Variants in GCA observed in about 807,000 individuals in gnomAD.
GCA encodes grancalcin, also known as grancalcin, EF-hand calcium-binding protein.
GCA carries 30 observed loss-of-function variants against 32.6 expected under a neutral mutation model. That is an observed-to-expected ratio of 0.92 (90% CI 0.69 to 1.25). The LOEUF (loss-of-function observed/expected upper bound fraction) is 1.25, where lower values mean the gene tolerates loss of function less well. Among genes scored for constraint, GCA ranks in the 50% most tolerant of loss-of-function variants. GCA has a pLI of 0.00. For synonymous variants in GCA, 102 were observed against 84.6 expected (o/e 1.21, Z -1.13); for missense variants, 291 against 266.8 (o/e 1.09, Z -0.63).
intron 1 of GCA, among the ~76,000 whole-genome samples, chr2:162,337,564 A>T (rs1684307790): frequency 6.6e-6 from 1 of 152,170 alleles, no homozygotes; most frequent in African/African-American, 2.4e-5. Context: ...TGGCTAAAAG[A>T]CAGAAAACAA....
Position 162,356,745 on chromosome 2 carries a change from A to C in GCA, c.307-13A>C, listed in dbSNP as rs1490060690. 3 of 1,584,082 alleles carry C rather than the reference A, an allele frequency of 1.9e-6. No homozygotes were observed. Among genetic ancestry groups the C allele is most frequent in the Non-Finnish European group, 2.6e-6 (3 of 1,159,778 alleles). ...CAGGTATCAGAATTTATTTTTGTTAATAAAACTATCAGAGAGATCACACAG... is the reference window on the plus strand; with the variant it reads ...CAGGTATCAGAATTTATTTTTGTTACTAAAACTATCAGAGAGATCACACAG... On this transcript the variant is annotated splice_polypyrimidine_tract_variant and intron_variant, in intron 4 of 7. Transcript: ENST00000437150.
chr2:162,371,847 A>C (rs749426625), downstream of GCA: 1 of 1,609,208 alleles, frequency 6.2e-7, no homozygotes, highest in Non-Finnish European at 8.5e-7. Flanking sequence ...CTGGAAGACC[A>C]GGATCAGAAA....
exon 5 of GCA, chr2:162,371,477 G>A: frequency 8.0e-7 from 1 of 1,253,188 alleles, no homozygotes; most frequent in Non-Finnish European, 1.0e-6. Context: ...TTATTTGCGT[G>A]GAAGGCATTT....
intron 5 of GCA, among the ~76,000 whole-genome samples, chr2:162,358,199 G>C (rs892093209): frequency 2.6e-5 from 4 of 151,346 alleles, no homozygotes; most frequent in African/African-American, 9.7e-5. Flanking sequence ...ATTCTTCTTA[G>C]TAAAATGTAT....
Position 162,362,893 on chromosome 2 carries a change from C to G in GCA, c.*2650C>G, listed in dbSNP as rs554990400. Among the ~76,000 whole-genome samples the G allele has an allele frequency of 2.6e-5, 4 of 151,134 alleles. No homozygotes were observed. In the South Asian group the frequency reaches 8.3e-4, roughly 31 times the overall value. The stretch of plus-strand genomic sequence containing the variant: ...CATTTGACCTATTTACACATGCATC[C>G]AGAAAAAAGTAACAAAAAATGTAGT... On this transcript the variant is annotated 3_prime_UTR_variant, in exon 8 of 8. Coordinates refer to ENST00000437150, the MANE Select transcript of GCA (RefSeq NM_012198.5).
Position 162,360,298 on chromosome 2 carries a change from G to A in GCA, c.*55G>A. ...CTGTGAATTCTTTTGTTTGGAAGAA[G>A]TGAACTGGACTACTTTAAAACTTTT... On this transcript the variant is annotated 3_prime_UTR_variant, in exon 8 of 8. Coordinates refer to ENST00000437150, the MANE Select transcript of GCA (RefSeq NM_012198.5). 6.4e-7 allele frequency: 1 copy of A among 1,569,730 alleles called. No homozygotes were observed. The highest frequency in any genetic ancestry group is 8.6e-7 in the Non-Finnish European group (1 of 1,156,962).
chr2:162,331,986 A>G (rs1238095322), intron 1 of GCA, among the ~76,000 whole-genome samples: 1 of 152,144 alleles, frequency 6.6e-6, no homozygotes, highest in Non-Finnish European at 1.5e-5. Flanking sequence ...ATTGCTTAGA[A>G]CAAATAAAAC....
Position 162,356,485 on chromosome 2 carries a change from T to A in GCA, c.306+4T>A. 1 of 1,538,538 alleles carries A rather than the reference T, an allele frequency of 6.5e-7. No homozygotes were observed. Among genetic ancestry groups the A allele is most frequent in the Non-Finnish European group, 9.0e-7 (1 of 1,111,894 alleles). Reference sequence around the variant, plus strand: ...AATTATGATTGCCATGTTGGATGTATCCTTGAATAGAAATAGAAAATACTA... The same window carrying A: ...AATTATGATTGCCATGTTGGATGTAACCTTGAATAGAAATAGAAAATACTA... On this transcript the variant is annotated splice_donor_region_variant and intron_variant, in intron 4 of 7. Transcript: ENST00000437150.
At position 162,361,035 on chromosome 2, in the gene GCA, A is replaced by T; in HGVS notation, c.*792A>T. On this transcript the variant is annotated 3_prime_UTR_variant, in exon 8 of 8. Coordinates refer to ENST00000437150, the MANE Select transcript of GCA (RefSeq NM_012198.5). Reference sequence around the variant, plus strand: ...CATATGTTTTTGATGATATGTCAACATTCAAAATTGTCCTAATTAAATTGT... The same window carrying T: ...CATATGTTTTTGATGATATGTCAACTTTCAAAATTGTCCTAATTAAATTGT... 2.0e-6 allele frequency: 2 copies of T among 995,806 alleles called. No individual in the cohort carries two copies. Among genetic ancestry groups the T allele is most frequent in the Non-Finnish European group, 2.4e-6 (2 of 821,224 alleles). The allele number at this position is 995,806 out of a possible 1,614,324, so 61.7% of individuals were successfully genotyped here. A position where few individuals can be genotyped will look rare whatever the true frequency, so the allele number is the denominator to read the frequency against.
At chr2:162,337,479 T>A (rs529161581) in intron 1 of GCA, among the ~76,000 whole-genome samples, 1 of 152,322 alleles carries the variant, frequency 6.6e-6, no homozygotes, top group South Asian at 2.1e-4. Flanking sequence ...TTTATTACAA[T>A]CCCTCAATTA....
chr2:162,323,078 T>C (rs1278100416), intron 1 of GCA, among the ~76,000 whole-genome samples: 2 of 151,874 alleles, frequency 1.3e-5, no homozygotes, highest in Admixed American at 6.5e-5. Context: ...TGTTGTTTCC[T>C]GACTTTTTAA....
intron 1 of GCA, among the ~76,000 whole-genome samples, chr2:162,328,318 G>C (rs1683961324): frequency 6.8e-6 from 1 of 147,728 alleles, no homozygotes; most frequent in South Asian, 2.1e-4. Flanking sequence ...CTTGAACCTG[G>C]TAGGTGGAGG....
chr2:162,355,067 C>A (rs943187271), intron 3 of GCA, among the ~76,000 whole-genome samples: 7 of 152,188 alleles, frequency 4.6e-5, no homozygotes, highest in African/African-American at 1.7e-4. Flanking sequence ...ATTTACTTGC[C>A]CAAAAGAGGA....
At chr2:162,353,195 C>T (rs775767640) in intron 3 of GCA, among the ~76,000 whole-genome samples, 2 of 152,048 alleles carry the variant, frequency 1.3e-5, no homozygotes, top group African/African-American at 4.8e-5. Flanking sequence ...TACGGCCAGG[C>T]GCCGTGGCTC....
upstream of GCA, chr2:162,318,839 G>C (rs1187301057): frequency 1.1e-5 from 2 of 183,618 alleles, no homozygotes; most frequent in Non-Finnish European, 2.3e-5. Context: ...AAACAGAAAA[G>C]GAAAGCGAAT....
At chr2:162,336,407 C>T (rs1159549193) in intron 1 of GCA, among the ~76,000 whole-genome samples, 1 of 152,164 alleles carries the variant, frequency 6.6e-6, no homozygotes, top group Non-Finnish European at 1.5e-5. Flanking sequence ...TATGTCCTCA[C>T]TCAGACATTT....
At chr2:162,365,794 A>G (rs1321178468), downstream of GCA, among the ~76,000 whole-genome samples, 1 of 151,690 alleles carries the variant, frequency 6.6e-6, no homozygotes, top group Non-Finnish European at 1.5e-5. Flanking sequence ...AGATTCCTCA[A>G]TATTTCTAAT....
At chr2:162,368,915 A>G (rs893864139) in intron 4 of GCA, among the ~76,000 whole-genome samples, 5 of 152,058 alleles carry the variant, frequency 3.3e-5, no homozygotes, top group Admixed American at 3.3e-4. Context: ...TATGGAGGAG[A>G]ATGATAAGTC....
chr2:162,357,313 G>A (rs1036187255), intron 5 of GCA, among the ~76,000 whole-genome samples: 1 of 151,646 alleles, frequency 6.6e-6, no homozygotes, highest in Non-Finnish European at 1.5e-5. Context: ...TTCTTAGATA[G>A]TGCAGAACAC....
Sources: allele counts gnomAD v4.1 joint callset (sites outside exome capture counted in the v4.1 genomes callset), GRCh38; gene constraint gnomAD v4.1.1; transcripts MANE v1.5; gene names NCBI Gene and HGNC (gene_info 2026-07-23, HGNC 2026-07-21).